The following PCDHGA11 variants were observed in gnomAD, a reference collection of about 807,000 sequenced individuals.
PCDHGA11 encodes protocadherin gamma subfamily A, 11.
In PCDHGA11, 39 loss-of-function variants were observed where a neutral mutation model predicts 60.4. The ratio of observed to expected loss-of-function variants is 0.65; its 90% CI spans 0.50 to 0.84. The LOEUF is 0.84. Ranked by LOEUF, PCDHGA11 falls within the 40% of genes least tolerant of loss-of-function variation. The pLI, the probability that PCDHGA11 is intolerant of heterozygous loss-of-function variation, is 0.00. For synonymous variants in PCDHGA11, 533 were observed against 510.3 expected, an observed-to-expected ratio of 1.04 and a Z score of -0.60; for missense variants, 1,165 against 1,197.7, an observed-to-expected ratio of 0.97 and a Z score of 0.40.
intron 1 of PCDHGA11, among the ~76,000 whole-genome samples, chr5:141,446,868 C>T (rs980547855): frequency 6.6e-6 from 1 of 152,160 alleles, no homozygotes; most frequent in Non-Finnish European, 1.5e-5. Flanking sequence ...TAGCTCTACA[C>T]TGGTATGTTT....
In PCDHGA11 at chr5:141,487,934, C is replaced by T; in HGVS notation, c.2434-6873C>T. 4.9e-6 allele frequency: 3 copies of T among 607,674 alleles called. No homozygotes were observed. The highest frequency in any genetic ancestry group is 2.1e-5 in the South Asian group (1 of 48,014). 37.6% of individuals were successfully genotyped at this position (607,674 alleles called of 1,614,324 possible). Reference sequence around the variant, plus strand: ...ACAGGAGGCTACAGTGCACAGGGTACAGTGCACCAGGCAGTCACTTGGACA... The same window carrying T: ...ACAGGAGGCTACAGTGCACAGGGTATAGTGCACCAGGCAGTCACTTGGACA... On this transcript the variant is annotated intron_variant, in intron 1 of 3. Transcript: ENST00000398587. This position sits in a 1 kb window ranked among gnomAD's most constrained non-coding sequence, Gnocchi z 5.0.
chr5:141,487,890 G>C lies in PCDHGA11; in HGVS notation c.2434-6917G>C. 3 of 745,430 alleles carry C rather than the reference G, an allele frequency of 4.0e-6. No homozygotes were observed. Among genetic ancestry groups the C allele is most frequent in the Non-Finnish European group, 6.5e-6 (3 of 462,522 alleles). The allele number at this position is 745,430 out of a possible 1,614,324, so 46.2% of individuals were successfully genotyped here. A position where few individuals can be genotyped will look rare whatever the true frequency, so the allele number is the denominator to read the frequency against. On this transcript the variant is annotated intron_variant, in intron 1 of 3. Coordinates refer to ENST00000398587, the MANE Select transcript of PCDHGA11 (RefSeq NM_018914.3). This position sits in a 1 kb window ranked among gnomAD's most constrained non-coding sequence, Gnocchi z 5.0. ...AAGAGCCAGGCTGTTGTGGAAGCAT[G>C]ATGATGGAATGTGGGAGCACAGGAG...
At chr5:141,455,607 G>A (rs2098827849) in intron 1 of PCDHGA11, among the ~76,000 whole-genome samples, 1 of 152,248 alleles carries the variant, frequency 6.6e-6, no homozygotes, top group East Asian at 1.9e-4. Context: ...GGGCGCCATG[G>A]ATGTTCTAAA....
In PCDHGA11 at chr5:141,432,373, G is replaced by T; in HGVS notation, c.2433+8713G>T. ...TGAAAGTGATGGCGCGGGACAACGG[G>T]CACCCGCCCCTCAGCAGCAACGTGT... is the stretch of plus-strand genomic sequence containing the variant. On this transcript the variant is annotated intron_variant, in intron 1 of 3. Coordinates refer to ENST00000398587, the MANE Select transcript of PCDHGA11 (RefSeq NM_018914.3). This position sits in a 1 kb window ranked among gnomAD's most constrained non-coding sequence, Gnocchi z 6.0. The T allele has an allele frequency of 6.2e-7, 1 of 1,614,206 alleles. No homozygotes were observed. The highest frequency in any genetic ancestry group is 1.1e-5 in the South Asian group (1 of 91,082).
Position 141,493,775 on chromosome 5 carries a change from G to A in PCDHGA11, c.2434-1032G>A, listed in dbSNP as rs1434978072. ...CCTTGAGTGAGCCACTGGCAGTTCCGGAGCTTCCTTCTCCCTGGAGTAATC... is the reference window on the plus strand; with the variant it reads ...CCTTGAGTGAGCCACTGGCAGTTCCAGAGCTTCCTTCTCCCTGGAGTAATC... On this transcript the variant is annotated intron_variant, in intron 1 of 3. Coordinates refer to ENST00000398587, the MANE Select transcript of PCDHGA11 (RefSeq NM_018914.3). The surrounding 1 kb of genome is among the most constrained non-coding windows in gnomAD (Gnocchi z 4.3). Among the ~76,000 whole-genome samples, 1 of 152,094 alleles carries A rather than the reference G, an allele frequency of 6.6e-6. No individual in the cohort carries two copies. The highest frequency in any genetic ancestry group is 6.5e-5 in the Admixed American group (1 of 15,272).
intron 1 of PCDHGA11, among the ~76,000 whole-genome samples, chr5:141,469,914 C>T (rs1451982311): frequency 6.6e-6 from 1 of 152,082 alleles, no homozygotes. Flanking sequence ...GCAGACCACC[C>T]GAGGTCAGGA....
intron 1 of PCDHGA11, among the ~76,000 whole-genome samples, chr5:141,492,745 C>G (rs2099743569): frequency 6.6e-6 from 1 of 152,262 alleles, no homozygotes; most frequent in Non-Finnish European, 1.5e-5. Flanking sequence ...GTGGCCGAGG[C>G]GCGGCAGGGC....
intron 3 of PCDHGA11, among the ~76,000 whole-genome samples, chr5:141,509,791 C>T (rs2099878284): frequency 6.6e-6 from 1 of 152,164 alleles, no homozygotes; most frequent in Non-Finnish European, 1.5e-5. Flanking sequence ...TCATCATCTC[C>T]TCAGCTTCAT....
chr5:141,500,365 C>T (rs888624200), intron 2 of PCDHGA11, among the ~76,000 whole-genome samples: 5 of 151,956 alleles, frequency 3.3e-5, no homozygotes, highest in South Asian at 2.1e-4. Flanking sequence ...CCCACTACCA[C>T]GCCCGGCTAA....
At position 141,491,744 on chromosome 5, in the gene PCDHGA11, C is replaced by T; in HGVS notation, c.2434-3063C>T. 6.3e-7 allele frequency: 1 copy of T among 1,592,720 alleles called. No individual in the cohort carries two copies. Among genetic ancestry groups the T allele is most frequent in the African/African-American group, 1.3e-5 (1 of 74,122 alleles). Reference sequence around the variant, plus strand: ...CCCCGGGCGACCCCTGGGGGCGGCACTGGAGAAGCCGCCCGTCCTCATAAG... The same window carrying T: ...CCCCGGGCGACCCCTGGGGGCGGCATTGGAGAAGCCGCCCGTCCTCATAAG... On this transcript the variant is annotated intron_variant, in intron 1 of 3. Transcript: ENST00000398587. The surrounding 1 kb of genome is among the most constrained non-coding windows in gnomAD (Gnocchi z 6.9).
At chr5:141,478,505 T>C (rs1298083274) in intron 1 of PCDHGA11, 3 of 1,612,032 alleles carry the variant, frequency 1.9e-6, no homozygotes, top group Non-Finnish European at 2.5e-6. Context: ...TCCGGTGTTC[T>C]ATAGGCAGGT....
rs377138746 is a variant in PCDHGA11 at position 141,432,481 on chromosome 5, C to T, written c.2433+8821C>T. ...CCCTCCCCACGGACGGTTCCACTGG[C>T]GTGGAGCTGGCTCCCCGCTCCGCAG... On this transcript the variant is annotated intron_variant, in intron 1 of 3. Transcript: ENST00000398587. This position sits in a 1 kb window ranked among gnomAD's most constrained non-coding sequence, Gnocchi z 6.0. The T allele has an allele frequency of 1.1e-5, 17 of 1,614,198 alleles. No individual in the cohort carries two copies. The African/African-American group carries it at 1.7e-4, about 16-fold the overall frequency.
intron 3 of PCDHGA11, among the ~76,000 whole-genome samples, chr5:141,508,954 C>A (rs2154594435): frequency 6.6e-6 from 1 of 152,170 alleles, no homozygotes; most frequent in Admixed American, 6.5e-5. Context: ...AGAGAAATGT[C>A]AGCGGAATGA....
Position 141,486,282 on chromosome 5 carries a change from C to G in PCDHGA11, c.2434-8525C>G. On this transcript the variant is annotated intron_variant, in intron 1 of 3. Transcript: ENST00000398587. This position sits in a 1 kb window ranked among gnomAD's most constrained non-coding sequence, Gnocchi z 5.0. ...AGTGCAGAACCTGGCACTGTGGTGG[C>G]ACTTATCAGTGTGCAGGATCCAGAC... The G allele has an allele frequency of 1.2e-6, 2 of 1,614,052 alleles. No homozygotes were observed. The highest frequency in any genetic ancestry group is 1.7e-6 in the Non-Finnish European group (2 of 1,179,992).
At position 141,486,045 on chromosome 5, in the gene PCDHGA11, A is replaced by G. The variant is rs2099623524; in HGVS notation, c.2434-8762A>G. The G allele has an allele frequency of 4.3e-6, 7 of 1,613,428 alleles. No individual in the cohort carries two copies. The highest frequency in any genetic ancestry group is 5.1e-6 in the Non-Finnish European group (6 of 1,179,858). ...GGTCATACCCCTGATCGTGTAAGAA[A>G]CCTCTTTAGCCTGCACCCCACTACT... On this transcript the variant is annotated intron_variant, in intron 1 of 3. Coordinates refer to ENST00000398587, the MANE Select transcript of PCDHGA11 (RefSeq NM_018914.3). This position sits in a 1 kb window ranked among gnomAD's most constrained non-coding sequence, Gnocchi z 5.0.
intron 3 of PCDHGA11, among the ~76,000 whole-genome samples, chr5:141,506,621 G>A (rs143369587): frequency 1.3e-5 from 2 of 152,178 alleles, no homozygotes; most frequent in African/African-American, 4.8e-5. Flanking sequence ...GTGTTACCAG[G>A]GCCAAATGCA....
chr5:141,423,241 G>A lies in PCDHGA11; in HGVS notation c.2014G>A (p.Val672Ile), dbSNP rs1485226833. The change falls in exon 1 of 4, where the codon GTC becomes ATC. Residue 672 changes from valine (V) to isoleucine (I), a missense_variant. By Grantham distance (29) the Val-to-Ile change is conservative. Transcript: ENST00000398587. ...GGCTGTGGCCGACAGCATCCCCGAA[G>A]TCCTGGCGGACCTCGGCAGCCTCGA... Reference protein sequence around the residue: ...TVAVADSIPEVLADLGSLESL... With the variant: ...TVAVADSIPEILADLGSLESL... 1.2e-5 allele frequency: 19 copies of A among 1,613,954 alleles called. No homozygotes were observed. The highest frequency in any genetic ancestry group is 1.4e-5 in the Non-Finnish European group (17 of 1,180,016).
rs1349935659 is a variant in PCDHGA11 at position 141,507,722 on chromosome 5, A to C, written c.2581+2241A>C. 6.6e-5 allele frequency among the ~76,000 whole-genome samples: 10 copies of C among 152,354 alleles called. No homozygotes were observed. In the East Asian group the frequency reaches 1.9e-3, roughly 29 times the overall value. ...ATTTATGGCCCCAAACCCTCCAAGC[A>C]AGTCATGCAGCTCGTTCCCCTGTCA... On this transcript the variant is annotated intron_variant, in intron 3 of 3. Coordinates refer to ENST00000398587, the MANE Select transcript of PCDHGA11 (RefSeq NM_018914.3).
At chr5:141,430,873 G>C (rs2097319709) in intron 1 of PCDHGA11, 1 of 1,598,842 alleles carries the variant, frequency 6.3e-7, no homozygotes, top group African/African-American at 1.3e-5. Flanking sequence ...TTCCGGAAGA[G>C]CTGGAGAAAG....
Sources: allele counts gnomAD v4.1 joint callset (sites outside exome capture counted in the v4.1 genomes callset), GRCh38; gene constraint gnomAD v4.1.1; non-coding constraint Gnocchi (gnomAD v3.1); transcripts MANE v1.5; gene names NCBI Gene and HGNC (gene_info 2026-07-23, HGNC 2026-07-21).